SPMIP6: variants seen among roughly 807,000 people sequenced by gnomAD.
The protein encoded by SPMIP6 is sperm microtubule inner protein 6.
chr9:34,380,864 G>A, the SPMIP6 span: 4 of 1,536,034 alleles, frequency 2.6e-6, no homozygotes, highest in Non-Finnish European at 2.6e-6. Flanking sequence ...GTGTGGGGTG[G>A]AGCCCGGCTG....
chr9:34,389,671 A>AATACT, the SPMIP6 span, among the ~76,000 whole-genome samples: 1 of 152,164 alleles, frequency 6.6e-6, no homozygotes, highest in Admixed American at 6.5e-5. Flanking sequence ...GGTGGCACTG[A>AATACT]ATCTTTATGA....
the SPMIP6 span, among the ~76,000 whole-genome samples, chr9:34,382,001 C>T: frequency 6.6e-6 from 1 of 152,142 alleles, no homozygotes; most frequent in African/African-American, 2.4e-5. Context: ...TATTGAGTAG[C>T]CTTAGTCTTT....
the SPMIP6 span, chr9:34,380,915 C>G: frequency 5.0e-6 from 8 of 1,589,444 alleles, no homozygotes; most frequent in African/African-American, 9.4e-5. Flanking sequence ...CGGTTGCTCC[C>G]GGCACCAAGG....
At chr9:34,379,327 T>C in the SPMIP6 span, 1 of 644,762 alleles carries the variant, frequency 1.6e-6, no homozygotes, top group Non-Finnish European at 2.8e-6. This position sits in a 1 kb window ranked among gnomAD's most constrained non-coding sequence, Gnocchi z 4.2. Context: ...CCTTAGGTTC[T>C]ACTGTTAAGT....
the SPMIP6 span, chr9:34,385,752 C>T: frequency 6.2e-7 from 1 of 1,613,658 alleles, no homozygotes; most frequent in Non-Finnish European, 8.5e-7. Context: ...CTTCGGGATC[C>T]ACATGTCGCT....
At chr9:34,381,239 G>T in the SPMIP6 span, 1 of 1,570,658 alleles carries the variant, frequency 6.4e-7, no homozygotes, top group Non-Finnish European at 8.7e-7. This position sits in a 1 kb window ranked among gnomAD's most constrained non-coding sequence, Gnocchi z 4.4. Flanking sequence ...AGGACGGATA[G>T]ATTCAGGGTT....
At chr9:34,379,645 C>T in the SPMIP6 span, 2 of 1,613,636 alleles carry the variant, frequency 1.2e-6, no homozygotes, top group Admixed American at 1.7e-5. The surrounding 1 kb of genome is among the most constrained non-coding windows in gnomAD (Gnocchi z 4.2). Flanking sequence ...GTTAGACTTA[C>T]CTAAGGTTCG....
the SPMIP6 span, among the ~76,000 whole-genome samples, chr9:34,386,230 C>T: frequency 6.6e-6 from 1 of 152,106 alleles, no homozygotes; most frequent in Non-Finnish European, 1.5e-5. Context: ...GTGTCTTGGA[C>T]AGGAAAGGCT....
the SPMIP6 span, chr9:34,380,607 T>C: frequency 1.4e-6 from 2 of 1,460,576 alleles, no homozygotes; most frequent in Non-Finnish European, 1.8e-6. Flanking sequence ...AAAAACCCTC[T>C]GACGGGACCT....
chr9:34,389,291 A>G, the SPMIP6 span, among the ~76,000 whole-genome samples: 1 of 152,118 alleles, frequency 6.6e-6, no homozygotes, highest in East Asian at 1.9e-4. Flanking sequence ...TCTGTGAATT[A>G]TTTAAGAAAT....
the SPMIP6 span, chr9:34,381,357 A>ACCACTC: frequency 1.9e-6 from 3 of 1,613,150 alleles, no homozygotes; most frequent in African/African-American, 2.7e-5. This position sits in a 1 kb window ranked among gnomAD's most constrained non-coding sequence, Gnocchi z 4.4. Flanking sequence ...ACGCCCCACT[A>ACCACTC]CCACTCTTTA....
At chr9:34,387,801 G>A in the SPMIP6 span, among the ~76,000 whole-genome samples, 6 of 152,146 alleles carry the variant, frequency 3.9e-5, no homozygotes, top group Non-Finnish European at 7.4e-5. Flanking sequence ...ATCACTGTAG[G>A]ATGATCTCGT....
At chr9:34,390,999 T>C in the SPMIP6 span, among the ~76,000 whole-genome samples, 2 of 152,204 alleles carry the variant, frequency 1.3e-5, no homozygotes, top group African/African-American at 4.8e-5. Flanking sequence ...TTCTGTTCCC[T>C]GACAGAGTTT....
At chr9:34,389,107 T>A in the SPMIP6 span, among the ~76,000 whole-genome samples, 102 of 152,092 alleles carry the variant, frequency 6.7e-4, no homozygotes, top group Non-Finnish European at 1.2e-3. Context: ...GATTTTTTTT[T>A]AAATTTGTTT....
At chr9:34,387,944 A>G in the SPMIP6 span, among the ~76,000 whole-genome samples, 1 of 152,162 alleles carries the variant, frequency 6.6e-6, no homozygotes, top group Non-Finnish European at 1.5e-5. Context: ...CTGAGAATCT[A>G]GTGCTGAAGA....
the SPMIP6 span, among the ~76,000 whole-genome samples, chr9:34,396,631 G>A: frequency 6.6e-6 from 1 of 152,108 alleles, no homozygotes; most frequent in East Asian, 1.9e-4. Context: ...AACAGTTTCA[G>A]TTTCTGGTAG....
the SPMIP6 span, chr9:34,381,155 A>T: frequency 3.3e-5 from 52 of 1,563,844 alleles, no homozygotes; most frequent in Non-Finnish European, 9.5e-6. The surrounding 1 kb of genome is among the most constrained non-coding windows in gnomAD (Gnocchi z 4.4). Context: ...TCCCCAGCGC[A>T]GGAGACCCAA....
chr9:34,386,423 G>A, the SPMIP6 span, among the ~76,000 whole-genome samples: 6 of 151,856 alleles, frequency 4.0e-5, no homozygotes, highest in Middle Eastern at 6.8e-3. Context: ...GTGAAATCCC[G>A]TCTCTACTAA....
the SPMIP6 span, chr9:34,380,985 A>C: frequency 6.2e-7 from 1 of 1,609,614 alleles, no homozygotes; most frequent in South Asian, 1.1e-5. Flanking sequence ...CCGCGCAGAC[A>C]GTAGTGGCGG....
Sources: allele counts gnomAD v4.1 joint callset (sites outside exome capture counted in the v4.1 genomes callset), GRCh38; gene constraint gnomAD v4.1.1; non-coding constraint Gnocchi (gnomAD v3.1); transcripts MANE v1.5; gene names NCBI Gene and HGNC (gene_info 2026-07-23, HGNC 2026-07-21).